Variants in C2CD5 observed in about 807,000 individuals in gnomAD.
The protein encoded by C2CD5 is C2 domain-containing protein 5.
C2CD5 carries 109 observed loss-of-function variants against 130.3 expected under a neutral mutation model. That is an observed-to-expected ratio of 0.84 (90% confidence interval 0.72 to 0.98). The LOEUF (loss-of-function observed/expected upper bound fraction) is 0.98. Among genes scored for constraint, C2CD5 ranks in the 50% least tolerant of loss-of-function variants. The pLI is 0.00. For missense variants in C2CD5, 996 were observed against 1,261.8 expected (o/e 0.79, Z 3.19); for synonymous variants, 454 against 429.2 (o/e 1.06, Z -0.71).
intron 2 of C2CD5, among the ~76,000 whole-genome samples, chr12:22,543,252 T>A (rs1334094919): frequency 6.6e-6 from 1 of 152,264 alleles, no homozygotes; most frequent in African/African-American, 2.4e-5. Context: ...TTGGCTTCTT[T>A]CAGACTCTGG....
At chr12:22,480,220 C>G (rs1220473221) in intron 14 of C2CD5, among the ~76,000 whole-genome samples, 1 of 152,214 alleles carries the variant, frequency 6.6e-6, no homozygotes, top group Non-Finnish European at 1.5e-5. Flanking sequence ...ACTCTGGCAT[C>G]AGAGAGGCCT....
At chr12:22,463,997 G>A (rs1591954541) in intron 22 of C2CD5, 1 of 152,180 alleles carries the variant, frequency 6.6e-6, no homozygotes, top group East Asian at 1.9e-4. Flanking sequence ...GATTAGTTAT[G>A]CTTTATAAGT....
At chr12:22,488,890 T>G (rs1025223069) in intron 12 of C2CD5, among the ~76,000 whole-genome samples, 1 of 150,980 alleles carries the variant, frequency 6.6e-6, no homozygotes, top group African/African-American at 2.4e-5. Flanking sequence ...TTTTTTTTTT[T>G]AAATAGAGTC....
intron 11 of C2CD5, among the ~76,000 whole-genome samples, chr12:22,491,256 C>T (rs10505876): frequency 1.1e-4 from 16 of 152,204 alleles, no homozygotes; most frequent in Admixed American, 9.8e-4. Flanking sequence ...CATTTGCAGA[C>T]TCCTCCATCT....
intron 11 of C2CD5, among the ~76,000 whole-genome samples, chr12:22,491,200 G>A (rs1346160317): frequency 2.0e-5 from 3 of 152,170 alleles, no homozygotes; most frequent in African/African-American, 4.8e-5. Context: ...TCTGTCAGAT[G>A]ACATCTGTCA....
At position 22,449,547 on chromosome 12, in the gene C2CD5, G is replaced by A. The variant is rs1334405583; in HGVS notation, c.*213C>T. On this transcript the variant is annotated 3_prime_UTR_variant, in exon 27 of 27. Coordinates refer to ENST00000446597, the MANE Select transcript of C2CD5 (RefSeq NM_001286176.2). ...TAAAAATTTATCTTAACTTACTGAA[G>A]GGTCAAGACCCCACAGGGCCTGTCT... The A allele has an allele frequency of 5.2e-6, 2 of 381,572 alleles. No individual in the cohort carries two copies. Among genetic ancestry groups the A allele is most frequent in the Admixed American group, 8.6e-5 (2 of 23,280 alleles). The allele number at this position is 381,572 out of a possible 1,614,324, so 23.6% of individuals were successfully genotyped here.
Position 22,486,878 on chromosome 12 carries a change from C to T in C2CD5, c.1359-1990G>A, listed in dbSNP as rs374774012. Among the ~76,000 whole-genome samples the T allele has an allele frequency of 3.5e-4, 54 of 152,216 alleles. 1 individual carries two copies. The South Asian group carries it at 0.011, about 31-fold the overall frequency. ...ACTCAATATTGTGATAAAGAGACAA[C>T]AGAGCCCTCAGAAATAATGCCACGC... On this transcript the variant is annotated intron_variant, in intron 12 of 26. Coordinates refer to ENST00000446597, the MANE Select transcript of C2CD5 (RefSeq NM_001286176.2).
At chr12:22,542,439 C>T (rs1443770768) in intron 2 of C2CD5, among the ~76,000 whole-genome samples, 2 of 152,224 alleles carry the variant, frequency 1.3e-5, no homozygotes, top group African/African-American at 4.8e-5. Context: ...CCAGCCTCAT[C>T]CCTAACAAGC....
At chr12:22,492,201 AG>A (rs1946444896) in intron 11 of C2CD5, among the ~76,000 whole-genome samples, 1 of 152,188 alleles carries the variant, frequency 6.6e-6, no homozygotes, top group African/African-American at 2.4e-5. Flanking sequence ...ACCTAAGAAT[AG>A]ATGGTAGAAA....
intron 22 of C2CD5, among the ~76,000 whole-genome samples, chr12:22,467,769 T>TA (rs1942331132): frequency 6.6e-6 from 1 of 152,192 alleles, no homozygotes; most frequent in Non-Finnish European, 1.5e-5. Context: ...AAATAGGACT[T>TA]ACTCTACTCA....
intron 13 of C2CD5, chr12:22,484,374 C>G (rs1945175831): frequency 9.8e-6 from 2 of 203,318 alleles, no homozygotes; most frequent in African/African-American, 4.6e-5. Context: ...GAGTCAACTT[C>G]TAAAATGTGT....
At chr12:22,525,819 AT>A in intron 4 of C2CD5, 114 bp from the exon 5 acceptor site, 1 of 676,538 alleles carries the variant, frequency 1.5e-6, no homozygotes, top group Non-Finnish European at 2.6e-6. Flanking sequence ...TTAACTCACA[AT>A]TTTTTGAACT....
At chr12:22,501,984 G>A (rs1947859097) in intron 10 of C2CD5, among the ~76,000 whole-genome samples, 1 of 151,588 alleles carries the variant, frequency 6.6e-6, no homozygotes, top group Non-Finnish European at 1.5e-5. Context: ...CAAAATGGTT[G>A]TATTATTTCA....
chr12:22,478,007 A>ACACT (rs1350363913), intron 15 of C2CD5: 2 of 289,236 alleles, frequency 6.9e-6, no homozygotes, highest in Admixed American at 9.3e-5. Context: ...CAAAACACAC[A>ACACT]CACTCACACA....
In C2CD5 at chr12:22,484,714, A is replaced by AC; in HGVS notation, c.1532dup (p.Cys512LeufsTer25). The AC allele has an allele frequency of 6.3e-7, 1 of 1,589,262 alleles. No individual in the cohort carries two copies. The highest frequency in any genetic ancestry group is 1.2e-5 in the South Asian group (1 of 86,272). ...AAACATACCTTGCTTGAATAAGACA[A>AC]CCTTTTCCAATAACTGTTGCATCTG... On this transcript the variant is annotated frameshift_variant, in exon 13 of 27. Transcript: ENST00000446597. LOFTEE classifies it high-confidence loss of function.
chr12:22,530,846 C>T (rs1951207691), intron 3 of C2CD5, among the ~76,000 whole-genome samples: 1 of 152,086 alleles, frequency 6.6e-6, no homozygotes, highest in South Asian at 2.1e-4. Context: ...AAGTAAGCTG[C>T]TTGAGTACTC....
intron 14 of C2CD5, among the ~76,000 whole-genome samples, chr12:22,480,286 T>C (rs1565692646): frequency 6.6e-6 from 1 of 152,098 alleles, no homozygotes; most frequent in Non-Finnish European, 1.5e-5. Flanking sequence ...TCTCAACCTA[T>C]CACAGCACAC....
chr12:22,479,130 G>A (rs1184981846), intron 14 of C2CD5, among the ~76,000 whole-genome samples: 2 of 151,768 alleles, frequency 1.3e-5, no homozygotes, highest in African/African-American at 4.8e-5. Flanking sequence ...CTGGAGTGTA[G>A]TGGCGTGATC....
rs1303799053 is a variant in C2CD5, at chr12:22,449,544, G to A, written c.*216C>T. 1.1e-5 allele frequency: 4 copies of A among 378,252 alleles called. No homozygotes were observed. Among genetic ancestry groups the A allele is most frequent in the African/African-American group, 6.2e-5 (3 of 48,242 alleles). 23.4% of individuals were successfully genotyped at this position (378,252 alleles called of 1,614,324 possible). On this transcript the variant is annotated 3_prime_UTR_variant, in exon 27 of 27. Transcript: ENST00000446597. ...TTTTAAAAATTTATCTTAACTTACTGAAGGGTCAAGACCCCACAGGGCCTG... is the reference window on the plus strand; with the variant it reads ...TTTTAAAAATTTATCTTAACTTACTAAAGGGTCAAGACCCCACAGGGCCTG...
Sources: gnomAD v4.1 joint callset for allele counts (sites outside exome capture counted in the v4.1 genomes callset) on GRCh38, gnomAD v4.1.1 for gene constraint, MANE v1.5 for transcripts, NCBI Gene and HGNC (gene_info 2026-07-23, HGNC 2026-07-21) for gene names.